ZPBP: variants seen among roughly 807,000 people sequenced by gnomAD.
ZPBP encodes zona pellucida-binding protein 1.
Under a neutral mutation model 44.8 loss-of-function variants are expected in ZPBP, and 26 were observed. That is an observed-to-expected ratio of 0.58 (90% CI 0.43 to 0.81). ZPBP has a LOEUF of 0.81. Among genes scored for constraint, ZPBP ranks in the 30% least tolerant of loss-of-function variants. The pLI is 0.00. For missense variants in ZPBP, 409 were observed against 434.0 expected (o/e 0.94, Z 0.51); for synonymous variants, 174 against 153.2 (o/e 1.14, Z -1.00).
intron 1 of ZPBP, among the ~76,000 whole-genome samples, chr7:49,903,778 A>C (rs1296774945): frequency 6.6e-6 from 1 of 152,202 alleles, no homozygotes. Context: ...TAGGACAGGG[A>C]CACACACAAA....
chr7:49,853,995 G>C (rs1790310611), intron 2 of ZPBP, among the ~76,000 whole-genome samples: 1 of 151,622 alleles, frequency 6.6e-6, no homozygotes, highest in Admixed American at 6.6e-5. Context: ...ATAGTTTGCT[G>C]AGAATGATGG....
intron 1 of ZPBP, chr7:49,913,227 A>T (rs1388743181): frequency 6.6e-6 from 1 of 152,202 alleles, no homozygotes; most frequent in Non-Finnish European, 1.5e-5. Context: ...AGAGTGAGGA[A>T]GCAGTTATTT....
chr7:49,913,988 T>C (rs1286552295), intron 1 of ZPBP: 1 of 152,176 alleles, frequency 6.6e-6, no homozygotes, highest in Non-Finnish European at 1.5e-5. Flanking sequence ...TTCATGAAAA[T>C]ACTCAGGGGA....
intron 1 of ZPBP, among the ~76,000 whole-genome samples, chr7:49,901,435 A>C (rs1234715440): frequency 6.6e-6 from 1 of 151,896 alleles, no homozygotes; most frequent in Non-Finnish European, 1.5e-5. Context: ...GTAATTTAAA[A>C]TTAAATACAT....
intron 6 of ZPBP, among the ~76,000 whole-genome samples, chr7:50,004,237 C>T (rs781776138): frequency 2.3e-4 from 35 of 150,122 alleles, no homozygotes; most frequent in Non-Finnish European, 4.5e-4. Context: ...CTCTAGCTCT[C>T]TTTTTTTTTT....
At chr7:49,885,479 A>G (rs1791861232) in intron 2 of ZPBP, among the ~76,000 whole-genome samples, 1 of 151,692 alleles carries the variant, frequency 6.6e-6, no homozygotes. Context: ...GATTAACTTC[A>G]TCAAATTACA....
intron 6 of ZPBP, among the ~76,000 whole-genome samples, chr7:49,994,983 AG>A (rs918579259): frequency 1.5e-4 from 23 of 152,156 alleles, no homozygotes; most frequent in Admixed American, 1.4e-3. Context: ...TGATTGAAGG[AG>A]GACCCAGATG....
chr7:49,908,492 A>G (rs1334837711), intron 1 of ZPBP, among the ~76,000 whole-genome samples: 1 of 152,240 alleles, frequency 6.6e-6, no homozygotes, highest in Non-Finnish European at 1.5e-5. Context: ...AGCCACACAT[A>G]ACACAAATCT....
chr7:49,881,431 A>G (rs997501228), intron 2 of ZPBP, among the ~76,000 whole-genome samples: 1 of 152,164 alleles, frequency 6.6e-6, no homozygotes, highest in African/African-American at 2.4e-5. Context: ...AAAGTTTAAA[A>G]AATAGAGAGA....
chr7:49,932,064 G>A (rs1794464843), intron 1 of ZPBP, among the ~76,000 whole-genome samples: 1 of 152,244 alleles, frequency 6.6e-6, no homozygotes, highest in African/African-American at 2.4e-5. Context: ...GAGGATGTAC[G>A]GAAATGCCTG....
rs142660850 is a variant in ZPBP, at chr7:50,043,271, G to A, written c.488-11961C>T. 2.4e-3 allele frequency among the ~76,000 whole-genome samples: 365 copies of A among 152,334 alleles called. 1 individual carries two copies. The highest frequency in any genetic ancestry group is 8.0e-3 in the African/African-American group (331 of 41,566). On this transcript the variant is annotated intron_variant, in intron 4 of 7. Transcript: ENST00000046087. ...TCAATAAATACGTGGGTAAAACTCT[G>A]TTCAGGGCTCTCAGATCTGAAGGCT...
At chr7:49,859,078 T>C (rs1247316562) in intron 2 of ZPBP, among the ~76,000 whole-genome samples, 1 of 152,222 alleles carries the variant, frequency 6.6e-6, no homozygotes, top group African/African-American at 2.4e-5. Flanking sequence ...TTGTGGCCCA[T>C]ATGGGCACAT....
chr7:50,043,888 T>C (rs967883938), intron 4 of ZPBP, among the ~76,000 whole-genome samples: 2 of 152,210 alleles, frequency 1.3e-5, no homozygotes, highest in Non-Finnish European at 2.9e-5. Flanking sequence ...ATCAGACTTA[T>C]TCTAAAATTG....
At chr7:50,044,291 A>G (rs1257166602) in intron 4 of ZPBP, among the ~76,000 whole-genome samples, 1 of 152,216 alleles carries the variant, frequency 6.6e-6, no homozygotes, top group Admixed American at 6.5e-5. Flanking sequence ...AAAAGCCAGC[A>G]GAAGACAAGA....
chr7:50,001,696 C>T (rs1798100736), intron 6 of ZPBP, among the ~76,000 whole-genome samples: 1 of 152,118 alleles, frequency 6.6e-6, no homozygotes, highest in Non-Finnish European at 1.5e-5. Context: ...GGTGAGGTGT[C>T]TGAATACTTT....
chr7:49,845,003 A>G, the ZPBP span, among the ~76,000 whole-genome samples: 3 of 152,100 alleles, frequency 2.0e-5, no homozygotes, highest in African/African-American at 7.2e-5. Flanking sequence ...TTTCGTCCTC[A>G]TTTTTGGGCT....
chr7:50,068,838 C>T (rs1801675536), intron 3 of ZPBP, among the ~76,000 whole-genome samples: 1 of 152,208 alleles, frequency 6.6e-6, no homozygotes, highest in Admixed American at 6.5e-5. Context: ...ACGGAGTATA[C>T]AACCGAAATG....
At chr7:50,058,195 A>C in intron 3 of ZPBP, 54 bp from the exon 4 acceptor site, 1 of 1,577,428 alleles carries the variant, frequency 6.3e-7, no homozygotes, top group South Asian at 1.1e-5. Context: ...GACAAGTACC[A>C]AAACATTTTC....
chr7:49,960,607 A>C (rs1267623656), intron 7 of ZPBP, among the ~76,000 whole-genome samples: 1 of 152,178 alleles, frequency 6.6e-6, no homozygotes, highest in African/African-American at 2.4e-5. Flanking sequence ...ATATCAGCAA[A>C]GGACTTTTGT....
Sources: gnomAD v4.1 joint callset for allele counts (sites outside exome capture counted in the v4.1 genomes callset) on GRCh38, gnomAD v4.1.1 for gene constraint, MANE v1.5 for transcripts, NCBI Gene and HGNC (gene_info 2026-07-23, HGNC 2026-07-21) for gene names.